ROS1: variants seen among roughly 807,000 people sequenced by gnomAD.
ROS1 encodes the protein proto-oncogene tyrosine-protein kinase ROS.
ROS1 carries 263 observed loss-of-function variants against 273.5 expected under a neutral mutation model. That is an observed-to-expected ratio of 0.96 (90% CI 0.87 to 1.06). ROS1 has a LOEUF of 1.06. Among genes scored for constraint, ROS1 ranks in the 50% least tolerant of loss-of-function variants. ROS1 has a pLI of 0.00. For missense variants in ROS1, 2,833 were observed against 2,751.1 expected, an observed-to-expected ratio of 1.03 and a Z score of -0.67; for synonymous variants, 1,008 against 954.1, an observed-to-expected ratio of 1.06 and a Z score of -1.04.
intron 15 of ROS1, 86 bp downstream of exon 15, chr6:117,386,802 AC>A: frequency 3.2e-6 from 2 of 633,514 alleles, no homozygotes; most frequent in Non-Finnish European, 5.5e-6. Context: ...ATACAAAAAT[AC>A]CCTATTCTTT....
At chr6:117,290,365 C>T (rs374378362) in intron 43 of ROS1, among the ~76,000 whole-genome samples, 1 of 152,302 alleles carries the variant, frequency 6.6e-6, no homozygotes, top group Non-Finnish European at 1.5e-5. Context: ...GCAATTAGTA[C>T]ATCTTCTTGT....
chr6:117,326,280 T>G lies in ROS1; in HGVS notation c.5483A>C (p.Asn1828Thr). ...ACTATATTCACCAAACCCTAGATTA[T>G]TTGCAGCTACTACTCTGAACTGAAA... is the stretch of plus-strand genomic sequence containing the variant. ...GIFQFRVVAANNLGFGEYSGI... is the reference protein window; with the variant it reads ...GIFQFRVVAATNLGFGEYSGI... Residue 1828 changes from asparagine to threonine, a missense_variant, in exon 34 of 44, where the codon AAT (asparagine) becomes ACT (threonine). Physicochemically the swap from Asn to Thr is moderately conservative, Grantham distance 65. Transcript: ENST00000368507. 1 of 1,602,442 alleles carries G rather than the reference T, an allele frequency of 6.2e-7. No homozygotes were observed. Among genetic ancestry groups the G allele is most frequent in the Non-Finnish European group, 8.5e-7 (1 of 1,176,312 alleles).
chr6:117,373,170 A>G lies in ROS1; in HGVS notation c.2582+5889T>C, dbSNP rs1220132093. 5.9e-5 allele frequency among the ~76,000 whole-genome samples: 9 copies of G among 152,360 alleles called. 1 individual carries two copies. In the East Asian group the frequency reaches 1.5e-3, roughly 26 times the overall value. ...CTGATTGGTGCATATACAATCCTCC[A>G]GCTAGACATAAAAGTTCTCCAAGTC... On this transcript the variant is annotated intron_variant, in intron 18 of 43. Transcript: ENST00000368507.
chr6:117,351,813 G>C (rs1229883026), intron 27 of ROS1, among the ~76,000 whole-genome samples: 1 of 152,132 alleles, frequency 6.6e-6, no homozygotes, highest in East Asian at 1.9e-4. Flanking sequence ...TTCTGGGCCA[G>C]AAACCAGAAG....
In ROS1 at chr6:117,359,967, T is replaced by C. The variant is rs1444817510; in HGVS notation, c.3475A>G (p.Ile1159Val). ...TTTTGATCCATATCTAAAAAAACTATCTTGTTACCAAGAAGAGTTATGAGG... is the reference window on the plus strand; with the variant it reads ...TTTTGATCCATATCTAAAAAAACTACCTTGTTACCAAGAAGAGTTATGAGG... ...PHLITLLGNK[I>V]VFLDMDQNQV... is the part of the protein sequence containing the mutation. The change falls in exon 24 of 44, where the codon ATA becomes GTA. Residue 1159 changes from isoleucine (I) to valine (V), a missense_variant. Ile to Val is a conservative substitution (Grantham distance 29, BLOSUM62 3). Coordinates refer to ENST00000368507, the MANE Select transcript of ROS1 (RefSeq NM_001378902.1). The C allele has an allele frequency of 6.2e-7, 1 of 1,613,902 alleles. No individual in the cohort carries two copies. Among genetic ancestry groups the C allele is most frequent in the Non-Finnish European group, 8.5e-7 (1 of 1,179,882 alleles).
Position 117,385,823 on chromosome 6 carries a change from T to C in ROS1, c.2149A>G (p.Thr717Ala). 2 of 1,614,222 alleles carry C rather than the reference T, an allele frequency of 1.2e-6. No homozygotes were observed. The highest frequency in any genetic ancestry group is 1.7e-6 in the Non-Finnish European group (2 of 1,180,046). ...AGCCACACAAAAACGTCGCCTTTCG[T>C]GTCACTGTAGTAGAGGCTGTTGTTA... ...WYNNSLYYSDTKGDVFVWLLN... is the reference protein window; with the variant it reads ...WYNNSLYYSDAKGDVFVWLLN... Residue 717 changes from threonine to alanine, a missense_variant, in exon 16 of 44, where the codon ACG (threonine) becomes GCG (alanine). Thr to Ala is a moderately conservative substitution (Grantham distance 58, BLOSUM62 0). Transcript: ENST00000368507.
At chr6:117,327,306 G>A (rs1776710646) in intron 33 of ROS1, among the ~76,000 whole-genome samples, 1 of 152,194 alleles carries the variant, frequency 6.6e-6, no homozygotes, top group African/African-American at 2.4e-5. Context: ...CCCCGGAGCT[G>A]AGGGTCCCTT....
intron 4 of ROS1, among the ~76,000 whole-genome samples, chr6:117,412,957 T>G (rs918928617): frequency 6.6e-6 from 1 of 152,094 alleles, no homozygotes; most frequent in African/African-American, 2.4e-5. Flanking sequence ...GGCAATTTTT[T>G]TTTCTATCTC....
At chr6:117,371,204 TGAAG>T (rs1411102016) in intron 18 of ROS1, among the ~76,000 whole-genome samples, 1 of 152,096 alleles carries the variant, frequency 6.6e-6, no homozygotes, top group Non-Finnish European at 1.5e-5. Flanking sequence ...ACAGACGCTT[TGAAG>T]GAAGAGGCTT....
At chr6:117,414,160 C>G (rs1003142147) in intron 4 of ROS1, among the ~76,000 whole-genome samples, 1 of 152,152 alleles carries the variant, frequency 6.6e-6, no homozygotes, top group Non-Finnish European at 1.5e-5. Context: ...AGAGATATCT[C>G]TGAATGTGCC....
In ROS1 at chr6:117,337,305, T is replaced by C. The variant is rs760154410; in HGVS notation, c.5097A>G (p.Ser1699=). 1 of 1,611,372 alleles carries C rather than the reference T, an allele frequency of 6.2e-7. No individual in the cohort carries two copies. Among genetic ancestry groups the C allele is most frequent in the Non-Finnish European group, 8.5e-7 (1 of 1,178,688 alleles). ...AGACATAAGCAGGACCTTGGCTGCA[T>C]GAAGTTTTAACATGGTAAAACTCAT... The part of the protein sequence containing the change: ...KYNEFYHVKT[S]CSQGPAYVCN... Residue 1699 remains serine, a synonymous_variant, in exon 32 of 44, where the codon TCA becomes TCG. Transcript: ENST00000368507.
chr6:117,344,490 C>T (rs1234405934), intron 27 of ROS1, among the ~76,000 whole-genome samples: 1 of 152,194 alleles, frequency 6.6e-6, no homozygotes, highest in Admixed American at 6.5e-5. Context: ...TGTACTGCTA[C>T]AGTCTACCCA....
rs760154410 is a variant in ROS1, at chr6:117,337,305, T to A, written c.5097A>T (p.Ser1699=). 12 of 1,611,372 alleles carry A rather than the reference T, an allele frequency of 7.4e-6. No homozygotes were observed. The highest frequency in any genetic ancestry group is 4.5e-5 in the East Asian group (2 of 44,780). The change falls in exon 32 of 44, where the codon TCA becomes TCT. Residue 1699 remains serine (S), a synonymous_variant. Transcript: ENST00000368507. ...KYNEFYHVKT[S]CSQGPAYVCN... is the part of the protein sequence containing the mutation. ...AGACATAAGCAGGACCTTGGCTGCA[T>A]GAAGTTTTAACATGGTAAAACTCAT... is the stretch of plus-strand genomic sequence containing the variant.
intron 16 of ROS1, 89 bp from the exon 17 acceptor site, chr6:117,383,597 G>A (rs1243780484): frequency 9.9e-7 from 1 of 1,010,148 alleles, no homozygotes; most frequent in Admixed American, 1.8e-5. Context: ...TAAATTGCTT[G>A]ATTAATCATT....
chr6:117,386,940 T>C lies in ROS1; in HGVS notation c.2059A>G (p.Asn687Asp), dbSNP rs770223989. 1 of 1,613,162 alleles carries C rather than the reference T, an allele frequency of 6.2e-7. No homozygotes were observed. The change falls in exon 15 of 44, where the codon AAT becomes GAT. Residue 687 changes from asparagine (N) to aspartate (D), a missense_variant. Physicochemically the swap from Asn to Asp is conservative, Grantham distance 23. Coordinates refer to ENST00000368507, the MANE Select transcript of ROS1 (RefSeq NM_001378902.1). ...AAGAACTCTCCTGGGCCAAAGCTAT[T>C]TAATGGTTTACTCCAAAGCCCATCT... is the stretch of plus-strand genomic sequence containing the variant. Reference protein sequence around the residue: ...KEDGLWSKPLNSFGPGEFLSS... With the variant: ...KEDGLWSKPLDSFGPGEFLSS...
intron 4 of ROS1, among the ~76,000 whole-genome samples, chr6:117,410,727 A>G (rs576531365): frequency 1.4e-4 from 21 of 152,330 alleles, no homozygotes; most frequent in African/African-American, 4.1e-4. Context: ...AAGCAGGCAC[A>G]ATACATTTGC....
At chr6:117,339,698 G>A (rs974281969) in intron 31 of ROS1, among the ~76,000 whole-genome samples, 2 of 152,096 alleles carry the variant, frequency 1.3e-5, no homozygotes, top group African/African-American at 4.8e-5. Context: ...TTTCTAAATG[G>A]TCTGCCTGGA....
chr6:117,387,236 G>T (rs557892159), intron 14 of ROS1, among the ~76,000 whole-genome samples: 3 of 152,144 alleles, frequency 2.0e-5, no homozygotes, highest in Non-Finnish European at 4.4e-5. Flanking sequence ...GAAGAAAAAC[G>T]CATGGTGAGA....
chr6:117,373,446 G>A (rs757846408), intron 18 of ROS1, among the ~76,000 whole-genome samples: 16 of 152,248 alleles, frequency 1.1e-4, no homozygotes, highest in Non-Finnish European at 1.8e-4. Flanking sequence ...AGGCGCTGAG[G>A]CCCGGCGAGA....
Sources: gnomAD v4.1 joint callset for allele counts (sites outside exome capture counted in the v4.1 genomes callset) on GRCh38, gnomAD v4.1.1 for gene constraint, MANE v1.5 for transcripts, NCBI Gene and HGNC (gene_info 2026-07-23, HGNC 2026-07-21) for gene names.